LDB2: variants seen among roughly 807,000 people sequenced by gnomAD.
The protein encoded by LDB2 is LIM domain binding 2, also known as LIM domain-binding protein 2.
A neutral mutation model predicts 44.3 loss-of-function variants in LDB2; 12 were observed. The observed-to-expected ratio is 0.27, with a 90% CI of 0.17 to 0.44. The LOEUF (loss-of-function observed/expected upper bound fraction) is 0.44. Ranked by LOEUF, LDB2 falls within the 20% of genes least tolerant of loss-of-function variation. The pLI, the probability that LDB2 is intolerant of heterozygous loss-of-function variation, is 1.00. For synonymous variants in LDB2, 164 were observed against 174.8 expected, an observed-to-expected ratio of 0.94 and a Z score of 0.49; for missense variants, 344 against 473.5, an observed-to-expected ratio of 0.73 and a Z score of 2.54.
At chr4:16,673,623 A>G (rs142792881) in intron 2 of LDB2, among the ~76,000 whole-genome samples, 4 of 152,308 alleles carry the variant, frequency 2.6e-5, no homozygotes, top group Admixed American at 1.3e-4. Flanking sequence ...TGCTATTATA[A>G]TAAGTGTCTT....
chr4:16,830,774 A>G (rs1783920490), intron 1 of LDB2, among the ~76,000 whole-genome samples: 1 of 152,326 alleles, frequency 6.6e-6, no homozygotes, highest in Non-Finnish European at 1.5e-5. Context: ...AGCAGAAGTT[A>G]TTGGACCCGA....
At chr4:16,589,859 T>G (rs993464626) in intron 3 of LDB2, among the ~76,000 whole-genome samples, 1 of 152,200 alleles carries the variant, frequency 6.6e-6, no homozygotes, top group Non-Finnish European at 1.5e-5. Context: ...TTTTACTCAT[T>G]CTGGAAATTT....
chr4:16,503,203 T>C, intron 7 of LDB2: 1 of 1,466,530 alleles, frequency 6.8e-7, no homozygotes, highest in Non-Finnish European at 9.2e-7. Flanking sequence ...CATTGGGGAC[T>C]TTTGAGAGGG....
chr4:16,701,751 T>G (rs1419939369), intron 2 of LDB2, among the ~76,000 whole-genome samples: 1 of 152,184 alleles, frequency 6.6e-6, no homozygotes, highest in Admixed American at 6.5e-5. Flanking sequence ...CTAGTCCTGT[T>G]CTAACACTGA....
At chr4:16,775,518 C>T (rs1190662080) in intron 1 of LDB2, among the ~76,000 whole-genome samples, 1 of 152,150 alleles carries the variant, frequency 6.6e-6, no homozygotes, top group Non-Finnish European at 1.5e-5. Context: ...AATTAAAGTG[C>T]TTAGAACAGT....
At chr4:16,586,100 C>A in intron 4 of LDB2, 95 bp from the exon 5 acceptor site, 1 of 901,322 alleles carries the variant, frequency 1.1e-6, no homozygotes, top group Non-Finnish European at 1.8e-6. Context: ...AATGCAATCT[C>A]GACATTGTTG....
chr4:16,768,112 T>A (rs1462184555), intron 1 of LDB2, among the ~76,000 whole-genome samples: 5 of 152,182 alleles, frequency 3.3e-5, no homozygotes, highest in East Asian at 1.9e-4. Flanking sequence ...GAAATTACCA[T>A]GGCAACCACT....
chr4:16,727,411 T>G (rs1759749239), intron 2 of LDB2, among the ~76,000 whole-genome samples: 1 of 152,192 alleles, frequency 6.6e-6, no homozygotes, highest in African/African-American at 2.4e-5. Context: ...CTCTGCACCC[T>G]GCTCCAGGAA....
chr4:16,650,489 A>G (rs950281304), intron 2 of LDB2, among the ~76,000 whole-genome samples: 1 of 152,192 alleles, frequency 6.6e-6, no homozygotes, highest in Non-Finnish European at 1.5e-5. Flanking sequence ...GACAATTTTT[A>G]TAAGATATAC....
chr4:16,774,766 T>C (rs962144635), intron 1 of LDB2, among the ~76,000 whole-genome samples: 2 of 151,996 alleles, frequency 1.3e-5, no homozygotes, highest in African/African-American at 4.8e-5. Context: ...TGTGTGTGCA[T>C]GTGTGTGTGT....
At chr4:16,803,877 A>C (rs1778300449) in intron 1 of LDB2, among the ~76,000 whole-genome samples, 1 of 152,250 alleles carries the variant, frequency 6.6e-6, no homozygotes, top group South Asian at 2.1e-4. Context: ...TTTTTAAAAA[A>C]TATATAACTA....
intron 2 of LDB2, among the ~76,000 whole-genome samples, chr4:16,663,482 A>AT (rs1742163747): frequency 6.6e-6 from 1 of 152,184 alleles, no homozygotes; most frequent in Non-Finnish European, 1.5e-5. Context: ...CCAAGAGTTC[A>AT]TCAGTTTCAT....
intron 1 of LDB2, among the ~76,000 whole-genome samples, chr4:16,798,878 ACTTG>A (rs1482303352): frequency 1.3e-5 from 2 of 151,890 alleles, no homozygotes; most frequent in Non-Finnish European, 2.9e-5. Flanking sequence ...TGAGATGGAG[ACTTG>A]CTTTGTTGCC....
At chr4:16,877,523 C>G (rs550233086) in intron 1 of LDB2, among the ~76,000 whole-genome samples, 4 of 152,220 alleles carry the variant, frequency 2.6e-5, no homozygotes, top group African/African-American at 9.6e-5. Context: ...TGATGAGCAC[C>G]CAATACTTTT....
intron 1 of LDB2, among the ~76,000 whole-genome samples, chr4:16,862,516 C>G (rs1303856142): frequency 6.6e-6 from 1 of 151,522 alleles, no homozygotes; most frequent in Admixed American, 6.6e-5. Context: ...ACCTGTAATC[C>G]TAGCTACTTG....
chr4:16,702,490 C>T (rs1483890286), intron 2 of LDB2, among the ~76,000 whole-genome samples: 1 of 152,200 alleles, frequency 6.6e-6, no homozygotes, highest in African/African-American at 2.4e-5. Context: ...ACTCAATGTG[C>T]TCCTCCAAGG....
chr4:16,705,967 T>C (rs1235751324), intron 2 of LDB2, among the ~76,000 whole-genome samples: 5 of 152,204 alleles, frequency 3.3e-5, no homozygotes, highest in African/African-American at 9.7e-5. Context: ...TAATCTTTTT[T>C]TTTAAGTGAA....
At chr4:16,615,185 A>G (rs1349688167) in intron 2 of LDB2, among the ~76,000 whole-genome samples, 1 of 152,184 alleles carries the variant, frequency 6.6e-6, no homozygotes, top group African/African-American at 2.4e-5. Context: ...CCATTGTGGA[A>G]GACAGTTTAG....
chr4:16,895,120 T>TA (rs71181199), intron 1 of LDB2, among the ~76,000 whole-genome samples: 57,605 of 124,456 alleles, frequency 0.46, 13,694 homozygotes, highest in East Asian at 0.81. Flanking sequence ...TTTTTCATGC[T>TA]AAAAAAAAAA....
Sources: allele counts gnomAD v4.1 joint callset (sites outside exome capture counted in the v4.1 genomes callset), GRCh38; gene constraint gnomAD v4.1.1; transcripts MANE v1.5; gene names NCBI Gene and HGNC (gene_info 2026-07-23, HGNC 2026-07-21).